The following DNAH11 variants were observed in gnomAD, a reference collection of about 807,000 sequenced individuals.
DNAH11 encodes axonemal beta dynein heavy chain 11.
In DNAH11, 442 loss-of-function variants were observed where a neutral mutation model predicts 526.0. The ratio of observed to expected loss-of-function variants is 0.84; its 90% confidence interval spans 0.78 to 0.91. DNAH11 has a LOEUF of 0.91. Ranked by LOEUF, DNAH11 falls within the 40% of genes least tolerant of loss-of-function variation. DNAH11 has a pLI of 0.00. For missense variants in DNAH11, 6,989 were observed against 5,448.7 expected, an observed-to-expected ratio of 1.28 and a Z score of -8.90; for synonymous variants, 2,461 against 1,935.9, an observed-to-expected ratio of 1.27 and a Z score of -7.12.
Position 21,735,694 on chromosome 7 carries a change from T to C in DNAH11, c.7495T>C (p.Leu2499=), listed in dbSNP as rs770013128. The C allele has an allele frequency of 1.1e-5, 18 of 1,613,164 alleles. No individual in the cohort carries two copies. In the South Asian group the frequency reaches 1.8e-4, roughly 16 times the overall value. ...TARLRYFMEL[L]LEKGKPLMLV... is the part of the protein sequence containing the mutation. ...TCGTCTTAGATATTTCATGGAGTTG[T>C]TGCTTGAGAAAGGAAAACCTCTAAT... Residue 2499 remains leucine, a synonymous_variant, in exon 46 of 82, where the codon TTG becomes CTG. Coordinates refer to ENST00000409508, the MANE Select transcript of DNAH11 (RefSeq NM_001277115.2).
rs375496925 is a variant in DNAH11, at chr7:21,864,043, T to C, written c.11374-492T>C. On this transcript the variant is annotated intron_variant, in intron 69 of 81. Transcript: ENST00000409508. ...TTCCACTTCACAATGTGTTTAGTTA[T>C]ACCTATAAAAGGTTTTCTCATTCTT... Among the ~76,000 whole-genome samples, 26 of 152,342 alleles carry C rather than the reference T, an allele frequency of 1.7e-4. 2 individuals are homozygous for C. Among genetic ancestry groups the C allele is most frequent in the South Asian group, 1.7e-3 (8 of 4,834 alleles).
intron 14 of DNAH11, among the ~76,000 whole-genome samples, chr7:21,595,580 T>G (rs1784832172): frequency 6.6e-6 from 1 of 152,166 alleles, no homozygotes; most frequent in South Asian, 2.1e-4. Flanking sequence ...ATTTGCAATC[T>G]ATTCAGATGG....
At chr7:21,900,745 C>CTTCTT (rs1562613680) in intron 81 of DNAH11, among the ~76,000 whole-genome samples, 2 of 152,076 alleles carry the variant, frequency 1.3e-5, no homozygotes, top group African/African-American at 4.8e-5. Flanking sequence ...TGTGAATTCT[C>CTTCTT]TTAGAATCCC....
chr7:21,894,600 A>C (rs767104645), intron 77 of DNAH11, 23 bp from the exon 78 acceptor site: 2 of 1,609,774 alleles, frequency 1.2e-6, no homozygotes. Context: ...AAAGGAGCTA[A>C]ATCTTTGTGT....
At chr7:21,736,111 G>A (rs1035739060) in intron 46 of DNAH11, among the ~76,000 whole-genome samples, 10 of 152,108 alleles carry the variant, frequency 6.6e-5, no homozygotes, top group African/African-American at 2.4e-4. Flanking sequence ...GTGTTACCTC[G>A]AAACCACTGG....
Position 21,897,757 on chromosome 7 carries a change from C to T in DNAH11, c.13050-1579C>T, listed in dbSNP as rs147907506. 2.7e-3 allele frequency among the ~76,000 whole-genome samples: 411 copies of T among 152,304 alleles called. 6 individuals carry two copies. In the East Asian group the frequency reaches 0.037, roughly 14 times the overall value. On this transcript the variant is annotated intron_variant, in intron 79 of 81. Transcript: ENST00000409508. The stretch of plus-strand genomic sequence containing the variant: ...TCAGCCTCCCTAGTAGCTGGGATTA[C>T]AGGCATGTGCCACCATGCCCGGCCA...
intron 68 of DNAH11, among the ~76,000 whole-genome samples, chr7:21,856,793 A>C (rs1303689100): frequency 6.6e-6 from 1 of 152,168 alleles, no homozygotes; most frequent in Non-Finnish European, 1.5e-5. Context: ...GTTAAAAAAA[A>C]AACCAACCAA....
rs1415428380 is a variant in DNAH11 at position 21,559,734 on chromosome 7, A to C, written c.824A>C (p.Gln275Pro). The C allele has an allele frequency of 6.2e-7, 1 of 1,609,106 alleles. No individual in the cohort carries two copies. The highest frequency in any genetic ancestry group is 1.7e-5 in the Admixed American group (1 of 59,404). Reference sequence around the variant, plus strand: ...TTGAATGGTCTTCACTTGTCTCCTCAAGCAGAACTAGATTTCTGGATGATG... The same window carrying C: ...TTGAATGGTCTTCACTTGTCTCCTCCAGCAGAACTAGATTTCTGGATGATG... ...RLLNGLHLSPQAELDFWMMRR... is the reference protein window; with the variant it reads ...RLLNGLHLSPPAELDFWMMRR... The change falls in exon 4 of 82, where the codon CAA becomes CCA. Residue 275 changes from glutamine (Q) to proline (P), a missense_variant. Gln to Pro is a moderately conservative substitution (Grantham distance 76). Transcript: ENST00000409508.
chr7:21,543,619 A>G, intron 1 of DNAH11, 23 bp downstream of exon 1: 2 of 1,562,938 alleles, frequency 1.3e-6, no homozygotes, highest in Non-Finnish European at 1.7e-6. Flanking sequence ...GGGCAAGGGG[A>G]CCTGCCCATC....
At chr7:21,636,138 T>A in intron 26 of DNAH11, 43 bp downstream of exon 26, 1 of 1,488,652 alleles carries the variant, frequency 6.7e-7, no homozygotes, top group South Asian at 1.3e-5. Context: ...CAAAGTTTTG[T>A]AAAGTAACAT....
intron 74 of DNAH11, among the ~76,000 whole-genome samples, chr7:21,879,709 C>T (rs1236637806): frequency 1.3e-5 from 2 of 152,156 alleles, no homozygotes; most frequent in African/African-American, 2.4e-5. Flanking sequence ...ATCATTCATA[C>T]GCCCAAGCTG....
At position 21,600,793 on chromosome 7, in the gene DNAH11, C is replaced by A; in HGVS notation, c.3118C>A (p.Leu1040Ile). Residue 1040 changes from leucine to isoleucine, a missense_variant, in exon 16 of 82, where the codon CTC becomes ATC. Leu to Ile is a conservative substitution (Grantham distance 5). Transcript: ENST00000409508. ...FRNTLETHTY[L>I]WVDDRAEFMK... ...AAACACCCTGGAGACCCACACTTAC[C>A]TCTGGGTGGATGATCGAGCTGAGTT... 1 of 1,613,846 alleles carries A rather than the reference C, an allele frequency of 6.2e-7. No individual in the cohort carries two copies. The highest frequency in any genetic ancestry group is 8.5e-7 in the Non-Finnish European group (1 of 1,179,834).
At chr7:21,858,039 T>A (rs1271323139) in intron 68 of DNAH11, among the ~76,000 whole-genome samples, 1 of 152,018 alleles carries the variant, frequency 6.6e-6, no homozygotes, top group South Asian at 2.1e-4. Context: ...AACAAAGAAT[T>A]TGTATCAGGA....
chr7:21,752,264 G>C (rs1786447354), intron 54 of DNAH11, among the ~76,000 whole-genome samples: 1 of 152,236 alleles, frequency 6.6e-6, no homozygotes, highest in African/African-American at 2.4e-5. Context: ...GTTACAGCTT[G>C]TGGTAGTTTT....
chr7:21,760,154 G>A (rs566323553), intron 54 of DNAH11, among the ~76,000 whole-genome samples: 11 of 152,196 alleles, frequency 7.2e-5, no homozygotes, highest in Non-Finnish European at 1.2e-4. Context: ...GTGTAGTTCA[G>A]TGAATTTAGG....
chr7:21,867,697 G>T (rs577066376), intron 71 of DNAH11, among the ~76,000 whole-genome samples, 162 bp from the exon 72 acceptor site: 1 of 152,132 alleles, frequency 6.6e-6, no homozygotes, highest in Non-Finnish European at 1.5e-5. Flanking sequence ...CACACCTACC[G>T]CATACATCTA....
chr7:21,849,375 CAT>C (rs760188611), intron 66 of DNAH11, among the ~76,000 whole-genome samples: 2 of 152,174 alleles, frequency 1.3e-5, no homozygotes, highest in South Asian at 2.1e-4. Flanking sequence ...AATAAACTAA[CAT>C]ATTTTATCTT....
intron 7 of DNAH11, chr7:21,570,840 A>G (rs1783857769): frequency 6.6e-6 from 1 of 152,020 alleles, no homozygotes; most frequent in South Asian, 2.1e-4. Flanking sequence ...AACACATACA[A>G]CCTACACATT....
chr7:21,860,430 A>T (rs1171630984), intron 68 of DNAH11, among the ~76,000 whole-genome samples: 1 of 152,214 alleles, frequency 6.6e-6, no homozygotes, highest in Non-Finnish European at 1.5e-5. Flanking sequence ...ATGATCAAGC[A>T]ATTCCACTTC....
Sources: gnomAD v4.1 joint callset for allele counts (sites outside exome capture counted in the v4.1 genomes callset) on GRCh38, gnomAD v4.1.1 for gene constraint, MANE v1.5 for transcripts, NCBI Gene and HGNC (gene_info 2026-07-23, HGNC 2026-07-21) for gene names.